The following GHR variants were observed in gnomAD, a reference collection of about 807,000 sequenced individuals.
GHR encodes growth hormone receptor.
In GHR, 35 loss-of-function variants were observed where a neutral mutation model predicts 67.1. The observed-to-expected ratio is 0.52, with a 90% confidence interval of 0.40 to 0.69. GHR has a LOEUF of 0.69. Among genes scored for constraint, GHR ranks in the 30% least tolerant of loss-of-function variants. GHR has a pLI of 0.00. For missense variants in GHR, 792 were observed against 764.6 expected (o/e 1.04, Z -0.42); for synonymous variants, 272 against 269.1 (o/e 1.01, Z -0.10).
intron 3 of GHR, among the ~76,000 whole-genome samples, chr5:42,682,672 A>T (rs1756947984): frequency 6.6e-6 from 1 of 152,214 alleles, no homozygotes; most frequent in South Asian, 2.1e-4. Flanking sequence ...AAGAGGAGTC[A>T]CCCACTTTCT....
chr5:42,468,700 C>G, intron 1 of GHR: 2 of 978,574 alleles, frequency 2.0e-6, no homozygotes, highest in Non-Finnish European at 3.3e-6. Context: ...GTCTGGGTCG[C>G]AGCCTGAGCT....
intron 3 of GHR, among the ~76,000 whole-genome samples, chr5:42,673,394 CA>C (rs1251025623): frequency 1.3e-5 from 2 of 152,162 alleles, no homozygotes; most frequent in African/African-American, 4.8e-5. Flanking sequence ...TTCAACCCAG[CA>C]ATCCCACTGG....
At chr5:42,607,555 A>G (rs945131813) in intron 2 of GHR, among the ~76,000 whole-genome samples, 3 of 152,220 alleles carry the variant, frequency 2.0e-5, no homozygotes, top group African/African-American at 7.2e-5. Flanking sequence ...ACACAAAATA[A>G]CAGCAAATAA....
intron 1 of GHR, among the ~76,000 whole-genome samples, chr5:42,428,970 G>A (rs1345375013): frequency 1.3e-5 from 2 of 152,028 alleles, no homozygotes; most frequent in African/African-American, 4.8e-5. Context: ...TCAAACCTCT[G>A]CCTGTTACCC....
chr5:42,437,228 T>C (rs1474284388), intron 1 of GHR, among the ~76,000 whole-genome samples: 1 of 152,226 alleles, frequency 6.6e-6, no homozygotes, highest in African/African-American at 2.4e-5. Context: ...AGAAGACATA[T>C]TACCTTTTAG....
chr5:42,537,290 G>C (rs538288919), intron 1 of GHR, among the ~76,000 whole-genome samples: 2 of 151,994 alleles, frequency 1.3e-5, no homozygotes. Flanking sequence ...TGACATAGGT[G>C]TTAGGGCTAT....
intron 1 of GHR, among the ~76,000 whole-genome samples, chr5:42,524,970 G>A (rs1279105813): frequency 3.3e-5 from 5 of 151,940 alleles, no homozygotes; most frequent in African/African-American, 7.3e-5. Context: ...ATGCCTGGAT[G>A]CCCAGGCAAA....
chr5:42,468,916 G>T, intron 1 of GHR: 1 of 562,636 alleles, frequency 1.8e-6, no homozygotes, highest in Non-Finnish European at 3.0e-6. Flanking sequence ...GGGCTGCGCC[G>T]AGCCAAGAGC....
At chr5:42,453,279 C>A (rs563766923) in intron 1 of GHR, among the ~76,000 whole-genome samples, 1 of 152,076 alleles carries the variant, frequency 6.6e-6, no homozygotes, top group Non-Finnish European at 1.5e-5. Context: ...GATCCCTTGA[C>A]GCTTATGTCC....
At chr5:42,565,834 G>T in intron 1 of GHR, 30 bp from the exon 2 acceptor site, 2 of 1,613,800 alleles carry the variant, frequency 1.2e-6, no homozygotes, top group Non-Finnish European at 1.7e-6. Context: ...TTAATTGCTG[G>T]GCTTTACCTT....
At chr5:42,680,800 C>T (rs1756823929) in intron 3 of GHR, among the ~76,000 whole-genome samples, 1 of 152,016 alleles carries the variant, frequency 6.6e-6, no homozygotes, top group Non-Finnish European at 1.5e-5. Context: ...CCACTGCTCC[C>T]AGCCCCAAAC....
chr5:42,702,383 C>CT (rs1476734676), intron 6 of GHR, among the ~76,000 whole-genome samples: 3 of 152,152 alleles, frequency 2.0e-5, no homozygotes, highest in Non-Finnish European at 4.4e-5. Flanking sequence ...GGATATCCTT[C>CT]TTTTTTTAAG....
At chr5:42,492,589 A>G (rs1746159924) in intron 1 of GHR, among the ~76,000 whole-genome samples, 1 of 152,222 alleles carries the variant, frequency 6.6e-6, no homozygotes, top group African/African-American at 2.4e-5. Context: ...ATGTGAAAGA[A>G]AGAGTAATTT....
chr5:42,459,271 T>C (rs1420122311), intron 1 of GHR, among the ~76,000 whole-genome samples: 1 of 152,136 alleles, frequency 6.6e-6, no homozygotes, highest in East Asian at 1.9e-4. Flanking sequence ...CTAAATGTCC[T>C]TCAATAGTAG....
At chr5:42,513,558 T>A (rs907570361) in intron 1 of GHR, among the ~76,000 whole-genome samples, 1 of 152,080 alleles carries the variant, frequency 6.6e-6, no homozygotes, top group Admixed American at 6.5e-5. Context: ...GAGGCCGAGG[T>A]GGGCCGATCA....
chr5:42,564,494 C>T (rs1749817093), intron 1 of GHR, among the ~76,000 whole-genome samples: 2 of 152,188 alleles, frequency 1.3e-5, no homozygotes, highest in African/African-American at 4.8e-5. Flanking sequence ...GAGAGTTCCT[C>T]ATGCATGTGG....
chr5:42,629,417 A>G lies in GHR; in HGVS notation c.136+314A>G, dbSNP rs575943034. Among the ~76,000 whole-genome samples the G allele has an allele frequency of 7.6e-5, 10 of 130,804 alleles. 2 individuals are homozygous for G. In the South Asian group the frequency reaches 2.4e-3, roughly 31 times the overall value. The allele number at this position is 130,804 out of a possible 152,430, so 85.8% of individuals were successfully genotyped here. On this transcript the variant is annotated intron_variant, in intron 3 of 9. Coordinates refer to ENST00000230882, the MANE Select transcript of GHR (RefSeq NM_000163.5). Reference sequence around the variant, plus strand: ...TCCTCTTTGTGCTGTCCTCACCATGAGTGAGTTCTCATGAGATCTGGTTGT... The same window carrying G: ...TCCTCTTTGTGCTGTCCTCACCATGGGTGAGTTCTCATGAGATCTGGTTGT...
At chr5:42,437,744 C>T (rs1014632131) in intron 1 of GHR, among the ~76,000 whole-genome samples, 2 of 151,294 alleles carry the variant, frequency 1.3e-5, no homozygotes, top group African/African-American at 4.9e-5. Context: ...TTAATAGAGA[C>T]AGGGTTTAGC....
At chr5:42,450,856 T>C (rs556000946) in intron 1 of GHR, among the ~76,000 whole-genome samples, 4 of 152,328 alleles carry the variant, frequency 2.6e-5, no homozygotes, top group Admixed American at 2.0e-4. Context: ...TGAAAGAATT[T>C]TTAATTTTCA....
Sources: allele counts gnomAD v4.1 joint callset (sites outside exome capture counted in the v4.1 genomes callset), GRCh38; gene constraint gnomAD v4.1.1; transcripts MANE v1.5; gene names NCBI Gene and HGNC (gene_info 2026-07-23, HGNC 2026-07-21).